The following SLIT3 variants were observed in gnomAD, a reference collection of about 807,000 sequenced individuals.
SLIT3 encodes the protein slit guidance ligand 3.
A neutral mutation model predicts 184.0 loss-of-function variants in SLIT3; 68 were observed. The observed-to-expected ratio is 0.37, with a 90% confidence interval of 0.30 to 0.45. The LOEUF (loss-of-function observed/expected upper bound fraction) is 0.45, where lower values mean the gene tolerates loss of function less well. Among genes scored for constraint, SLIT3 ranks in the 20% least tolerant of loss-of-function variants. The pLI, the probability that SLIT3 is intolerant of heterozygous loss-of-function variation, is 1.00. For missense variants in SLIT3, 1,707 were observed against 2,026.0 expected, an observed-to-expected ratio of 0.84 and a Z score of 3.02; for synonymous variants, 831 against 828.6, an observed-to-expected ratio of 1.00 and a Z score of -0.05.
intron 3 of SLIT3, among the ~76,000 whole-genome samples, chr5:169,233,465 A>T (rs1765082965): frequency 6.6e-6 from 1 of 151,024 alleles, no homozygotes; most frequent in South Asian, 2.1e-4. Flanking sequence ...CTACTTAAGA[A>T]TTCTGATAGT....
chr5:168,770,511 G>A (rs1716620182), intron 14 of SLIT3, among the ~76,000 whole-genome samples: 1 of 152,140 alleles, frequency 6.6e-6, no homozygotes. Context: ...GGAACCCCAT[G>A]TTTCTCAAAG....
intron 4 of SLIT3, among the ~76,000 whole-genome samples, chr5:169,055,655 A>G (rs532270981): frequency 6.6e-6 from 1 of 152,270 alleles, no homozygotes; most frequent in Non-Finnish European, 1.5e-5. Flanking sequence ...CCTGGCCAAC[A>G]TGGTGAAACC....
chr5:169,174,111 T>A (rs1410625591), intron 4 of SLIT3, among the ~76,000 whole-genome samples: 1 of 152,222 alleles, frequency 6.6e-6, no homozygotes, highest in Non-Finnish European at 1.5e-5. Flanking sequence ...TGAAAGAAGC[T>A]GCAAGATGCA....
intron 12 of SLIT3, among the ~76,000 whole-genome samples, chr5:168,785,461 G>A (rs145781863): frequency 3.8e-4 from 58 of 152,280 alleles, no homozygotes; most frequent in African/African-American, 1.2e-3. Flanking sequence ...TGCTCCTCTC[G>A]AATTATTCCC....
At chr5:168,939,962 C>G (rs2113202224) in intron 4 of SLIT3, among the ~76,000 whole-genome samples, 1 of 152,302 alleles carries the variant, frequency 6.6e-6, no homozygotes, top group East Asian at 1.9e-4. Flanking sequence ...AGTTCTACAG[C>G]TGTGGTTACC....
chr5:168,978,640 T>C (rs958410253), intron 4 of SLIT3, among the ~76,000 whole-genome samples: 1 of 152,132 alleles, frequency 6.6e-6, no homozygotes, highest in Non-Finnish European at 1.5e-5. Flanking sequence ...TGTGATTAGA[T>C]TATATGGAAG....
chr5:168,952,137 G>A (rs533627451), intron 4 of SLIT3, among the ~76,000 whole-genome samples: 6 of 152,318 alleles, frequency 3.9e-5, no homozygotes, highest in South Asian at 4.1e-4. Context: ...GGTTATAAAC[G>A]AAGCCATGCA....
chr5:168,842,181 C>G (rs1156628893), intron 6 of SLIT3, among the ~76,000 whole-genome samples: 1 of 152,036 alleles, frequency 6.6e-6, no homozygotes, highest in Non-Finnish European at 1.5e-5. Context: ...GAATGGCTCA[C>G]CATTAAGATG....
At chr5:168,765,368 T>C (rs894595015) in intron 14 of SLIT3, among the ~76,000 whole-genome samples, 4 of 152,064 alleles carry the variant, frequency 2.6e-5, no homozygotes, top group African/African-American at 7.2e-5. Flanking sequence ...CTTTCCAGCA[T>C]TTTTCCCCCT....
chr5:169,255,861 C>T lies in SLIT3; in HGVS notation c.198-4402G>A, dbSNP rs567616708. On this transcript the variant is annotated intron_variant, in intron 1 of 35. Coordinates refer to ENST00000519560, the MANE Select transcript of SLIT3 (RefSeq NM_003062.4). ...TCGCGCCACTGCACTCCAGCCTGGGCGACAGAGCAAGACTCTGTCCCTCAA... is the reference window on the plus strand; with the variant it reads ...TCGCGCCACTGCACTCCAGCCTGGGTGACAGAGCAAGACTCTGTCCCTCAA... Among the ~76,000 whole-genome samples the T allele has an allele frequency of 7.2e-5, 11 of 152,050 alleles. No individual in the cohort carries two copies. The South Asian group carries it at 8.3e-4, about 12-fold the overall frequency.
chr5:169,288,243 A>T (rs1157232382), intron 1 of SLIT3, among the ~76,000 whole-genome samples: 3 of 152,184 alleles, frequency 2.0e-5, no homozygotes, highest in Non-Finnish European at 2.9e-5. Flanking sequence ...TTCTACACAG[A>T]GTTAGAACTC....
intron 4 of SLIT3, among the ~76,000 whole-genome samples, chr5:168,894,744 T>C (rs1760604582): frequency 6.6e-6 from 1 of 152,148 alleles, no homozygotes; most frequent in South Asian, 2.1e-4. Context: ...ATTTGGAAAA[T>C]GCATTCAATC....
At chr5:169,075,035 T>C (rs1384478445) in intron 4 of SLIT3, among the ~76,000 whole-genome samples, 1 of 152,170 alleles carries the variant, frequency 6.6e-6, no homozygotes, top group Non-Finnish European at 1.5e-5. Context: ...AGTTTTACAA[T>C]GCAGGAAACT....
At chr5:169,171,607 A>G (rs537336247) in intron 4 of SLIT3, among the ~76,000 whole-genome samples, 157 of 152,358 alleles carry the variant, frequency 1.0e-3, no homozygotes, top group African/African-American at 3.7e-3. Flanking sequence ...CTGGAGGTAC[A>G]CAGATTAGAC....
chr5:168,738,854 C>T (rs948063845), intron 20 of SLIT3, among the ~76,000 whole-genome samples: 4 of 141,836 alleles, frequency 2.8e-5, no homozygotes, highest in South Asian at 2.3e-4. Flanking sequence ...AGGAGAATGG[C>T]GTGAACCCAG....
intron 3 of SLIT3, among the ~76,000 whole-genome samples, chr5:169,203,692 T>C (rs1479738101): frequency 1.3e-5 from 2 of 152,064 alleles, no homozygotes; most frequent in African/African-American, 2.4e-5. Flanking sequence ...CGCAGAGGTG[T>C]TAAGAAGTAG....
At chr5:169,204,101 A>C (rs528168120) in intron 3 of SLIT3, among the ~76,000 whole-genome samples, 6 of 152,050 alleles carry the variant, frequency 3.9e-5, no homozygotes, top group South Asian at 4.1e-4. Flanking sequence ...CGAGCCAGAG[A>C]GAGGAGGAAA....
chr5:169,075,664 T>C (rs1758711232), intron 4 of SLIT3, among the ~76,000 whole-genome samples: 1 of 152,192 alleles, frequency 6.6e-6, no homozygotes, highest in African/African-American at 2.4e-5. Context: ...GAGACTTGGC[T>C]TCTTATATGC....
chr5:169,124,865 C>T (rs1427053874), intron 4 of SLIT3, among the ~76,000 whole-genome samples: 1 of 152,104 alleles, frequency 6.6e-6, no homozygotes, highest in Non-Finnish European at 1.5e-5. Context: ...ATATCCTGCC[C>T]TCTTCACATA....
Sources: allele counts gnomAD v4.1 joint callset (sites outside exome capture counted in the v4.1 genomes callset), GRCh38; gene constraint gnomAD v4.1.1; transcripts MANE v1.5; gene names NCBI Gene and HGNC (gene_info 2026-07-23, HGNC 2026-07-21).